LYST: variants seen among roughly 807,000 people sequenced by gnomAD.
LYST encodes the protein lysosomal-trafficking regulator.
LYST carries 192 observed loss-of-function variants against 413.6 expected under a neutral mutation model. The observed-to-expected ratio is 0.46, with a 90% CI of 0.41 to 0.52. The LOEUF (loss-of-function observed/expected upper bound fraction) is 0.52, where lower values mean the gene tolerates loss of function less well. Among genes scored for constraint, LYST ranks in the 20% least tolerant of loss-of-function variants. The pLI is 0.00. For synonymous variants in LYST, 1,525 were observed against 1,567.3 expected (o/e 0.97, Z 0.64); for missense variants, 3,815 against 4,499.9 (o/e 0.85, Z 4.35).
chr1:235,829,278 T>G (rs754293166), intron 3 of LYST: 1 of 152,254 alleles, frequency 6.6e-6, no homozygotes, highest in Non-Finnish European at 1.5e-5. Context: ...GTATTTGCTA[T>G]GTTCCTTAGC....
chr1:235,709,386 T>C (rs550723133), intron 43 of LYST, 78 bp from the exon 44 acceptor site: 31 of 1,169,274 alleles, frequency 2.7e-5, no homozygotes, highest in Admixed American at 1.8e-4. Context: ...TCTTAAGAGT[T>C]CACAAAAATA....
chr1:235,800,408 A>G, intron 9 of LYST, 22 bp from the exon 10 acceptor site: 1 of 1,326,810 alleles, frequency 7.5e-7, no homozygotes, highest in Non-Finnish European at 1.1e-6. Context: ...AAAAAATACA[A>G]AATTAAATTA....
chr1:235,662,799 G>C lies in LYST; in HGVS notation c.*141C>G. 1 of 758,936 alleles carries C rather than the reference G, an allele frequency of 1.3e-6. No homozygotes were observed. Among genetic ancestry groups the C allele is most frequent in the Non-Finnish European group, 2.4e-6 (1 of 412,140 alleles). 47.0% of individuals were successfully genotyped at this position (758,936 alleles called of 1,614,324 possible). ...GGATCATGTGACTCTTCAGAATTTT[G>C]TGCAGATGAATAGACTTTATCATTA... is the stretch of plus-strand genomic sequence containing the variant. On this transcript the variant is annotated 3_prime_UTR_variant, in exon 53 of 53. Transcript: ENST00000389793.
intron 11 of LYST, 88 bp downstream of exon 11, chr1:235,793,415 A>G (rs1246020888): frequency 4.4e-6 from 3 of 681,620 alleles, no homozygotes. Context: ...GCTTAGTAAC[A>G]TTTCTAAATA....
chr1:235,686,727 C>A lies in LYST; in HGVS notation c.10800+222G>T, dbSNP rs1478197221. Among the ~76,000 whole-genome samples the A allele has an allele frequency of 6.6e-6, 1 of 152,078 alleles. No homozygotes were observed. The highest frequency in any genetic ancestry group is 2.4e-5 in the African/African-American group (1 of 41,430). On this transcript the variant is annotated intron_variant, in intron 48 of 52. Transcript: ENST00000389793. This position sits in a 1 kb window ranked among gnomAD's most constrained non-coding sequence, Gnocchi z 4.0. ...AAGCCTAAATACAAAACAGATCTAA[C>A]TCAAAATACCGTCTCTGAAAAAAAA...
chr1:235,745,039 T>C (rs535338261), intron 29 of LYST, among the ~76,000 whole-genome samples: 13 of 152,232 alleles, frequency 8.5e-5, no homozygotes, highest in African/African-American at 1.2e-4. Context: ...AACATTTTTT[T>C]AGAATTCCAT....
chr1:235,730,941 C>T lies in LYST; in HGVS notation c.8950G>A (p.Val2984Ile), dbSNP rs1401037792. ...AGGTAAGAGAGTGGTGGTTTGACAA[C>T]ATCTGTTGAGGAGAAAAGTAAATAT... ...LLRDRQKSED[V>I]VKPPLSYLFE... is the part of the protein sequence containing the mutation. Residue 2984 changes from valine (V) to isoleucine (I), a missense_variant and splice_region_variant, in exon 36 of 53, where the codon GTT (valine) becomes ATT (isoleucine). Coordinates refer to ENST00000389793, the MANE Select transcript of LYST (RefSeq NM_000081.4). The T allele has an allele frequency of 1.2e-6, 2 of 1,611,624 alleles. No individual in the cohort carries two copies. The highest frequency in any genetic ancestry group is 1.3e-5 in the African/African-American group (1 of 74,844).
chr1:235,873,943 C>T (rs961456050), intron 1 of LYST, among the ~76,000 whole-genome samples: 1 of 152,216 alleles, frequency 6.6e-6, no homozygotes, highest in African/African-American at 2.4e-5. Context: ...CGCTAAAACT[C>T]ATGGTCTCTC....
chr1:235,722,559 C>T (rs1459252409), intron 39 of LYST, among the ~76,000 whole-genome samples: 3 of 152,156 alleles, frequency 2.0e-5, no homozygotes, highest in Admixed American at 6.5e-5. Context: ...GATCTTGGCT[C>T]GCTGCAACCT....
chr1:235,678,466 G>A (rs1659560384), intron 48 of LYST, among the ~76,000 whole-genome samples: 1 of 152,110 alleles, frequency 6.6e-6, no homozygotes, highest in South Asian at 2.1e-4. Context: ...TTGCAAACTG[G>A]TGCTCTGAGG....
At position 235,773,902 on chromosome 1, in the gene LYST, G is replaced by T; in HGVS notation, c.5724C>A (p.Ile1908=). Residue 1908 remains isoleucine (I), a synonymous_variant, in exon 19 of 53, where the codon ATC becomes ATA. Transcript: ENST00000389793. ...FKLDVDSNAI[I]QDVKLLEELL... ...GTTCCTCTAACAGCTTAACATCTTG[G>T]ATTATAGCATTAGAGTCTACATCCA... 1 of 1,609,358 alleles carries T rather than the reference G, an allele frequency of 6.2e-7. No homozygotes were observed. The highest frequency in any genetic ancestry group is 8.5e-7 in the Non-Finnish European group (1 of 1,175,916).
At chr1:235,803,771 C>G (rs12090460) in intron 7 of LYST, among the ~76,000 whole-genome samples, 1 of 151,942 alleles carries the variant, frequency 6.6e-6, no homozygotes, top group Non-Finnish European at 1.5e-5. Context: ...ATATGATGAA[C>G]GTATTCATAG....
intron 42 of LYST, among the ~76,000 whole-genome samples, chr1:235,714,817 C>T (rs1662695371): frequency 6.6e-6 from 1 of 152,118 alleles, no homozygotes; most frequent in Admixed American, 6.5e-5. Flanking sequence ...TTATAATAAA[C>T]TGCAATAATG....
intron 1 of LYST, among the ~76,000 whole-genome samples, chr1:235,857,209 T>C (rs1166940033): frequency 1.3e-5 from 2 of 152,096 alleles, no homozygotes; most frequent in Non-Finnish European, 2.9e-5. Flanking sequence ...CAAATCAAGA[T>C]GTTTGGTCAT....
intron 28 of LYST, among the ~76,000 whole-genome samples, chr1:235,747,632 T>C (rs1277051451): frequency 6.6e-6 from 1 of 152,186 alleles, no homozygotes; most frequent in Non-Finnish European, 1.5e-5. Flanking sequence ...TCCTAATGTC[T>C]ACATCTGACA....
intron 4 of LYST, among the ~76,000 whole-genome samples, chr1:235,812,049 T>C (rs1673501249): frequency 6.6e-6 from 1 of 152,052 alleles, no homozygotes; most frequent in East Asian, 1.9e-4. Flanking sequence ...CTCACAAACA[T>C]GTCACAAGAA....
chr1:235,751,948 T>C (rs1666533896), intron 27 of LYST, 57 bp downstream of exon 27: 4 of 1,203,338 alleles, frequency 3.3e-6, no homozygotes, highest in Admixed American at 1.8e-5. Context: ...TGTGCTCAAA[T>C]AACAGGTTTG....
chr1:235,829,491 T>G (rs549304749), intron 3 of LYST: 2 of 152,176 alleles, frequency 1.3e-5, no homozygotes, highest in South Asian at 4.1e-4. Context: ...ACTATATTAA[T>G]TAGTTCCCTG....
chr1:235,696,933 C>T (rs950440861), intron 46 of LYST, 150 bp downstream of exon 46: 4 of 714,006 alleles, frequency 5.6e-6, no homozygotes, highest in Non-Finnish European at 1.0e-5. Context: ...TTTCATGTAG[C>T]ATGTTTTCAT....
Sources: gnomAD v4.1 joint callset for allele counts (sites outside exome capture counted in the v4.1 genomes callset) on GRCh38, gnomAD v4.1.1 for gene constraint, Gnocchi (gnomAD v3.1) non-coding constraint, MANE v1.5 for transcripts, NCBI Gene and HGNC (gene_info 2026-07-23, HGNC 2026-07-21) for gene names.